CDH20: variants seen among roughly 807,000 people sequenced by gnomAD.
CDH20 encodes cadherin-20.
Under a neutral mutation model 74.2 loss-of-function variants are expected in CDH20, and 29 were observed. The ratio of observed to expected loss-of-function variants is 0.39; its 90% CI spans 0.29 to 0.53. The LOEUF is 0.53. CDH20 is among the 20% of genes least tolerant of loss of function. The pLI, the probability that CDH20 is intolerant of heterozygous loss-of-function variation, is 0.69. For synonymous variants in CDH20, 469 were observed against 405.4 expected (o/e 1.16, Z -1.88); for missense variants, 988 against 1,048.3 (o/e 0.94, Z 0.79).
At chr18:61,348,637 C>T (rs1293953270) in intron 1 of CDH20, among the ~76,000 whole-genome samples, 1 of 152,062 alleles carries the variant, frequency 6.6e-6, no homozygotes, top group African/African-American at 2.4e-5. Context: ...GTCAGTCAGC[C>T]GATTATCCAA....
chr18:61,551,784 G>A (rs71359631), intron 11 of CDH20, among the ~76,000 whole-genome samples: 13,999 of 152,168 alleles, frequency 0.092, 736 homozygotes, highest in Middle Eastern at 0.15. Flanking sequence ...GGAATTTCCA[G>A]ACTGGCTGTC....
At chr18:61,454,871 G>A (rs555981698) in intron 1 of CDH20, among the ~76,000 whole-genome samples, 4 of 152,296 alleles carry the variant, frequency 2.6e-5, no homozygotes, top group East Asian at 3.9e-4. Flanking sequence ...GTGTTTATTG[G>A]GTAGAGACAG....
chr18:61,343,254 C>T (rs1353230113), intron 1 of CDH20, among the ~76,000 whole-genome samples: 1 of 152,208 alleles, frequency 6.6e-6, no homozygotes, highest in African/African-American at 2.4e-5. Context: ...CAATGTATTA[C>T]ATTTTGCTTT....
At chr18:61,500,233 C>A in intron 3 of CDH20, 150 bp from the exon 4 acceptor site, 1 of 586,296 alleles carries the variant, frequency 1.7e-6, no homozygotes, top group Non-Finnish European at 2.8e-6. Context: ...TAAACAGGTA[C>A]AAGATAAGAG....
At chr18:61,490,839 T>C in intron 2 of CDH20, 40 bp downstream of exon 2, 1 of 1,601,236 alleles carries the variant, frequency 6.2e-7, no homozygotes, top group East Asian at 2.2e-5. Flanking sequence ...GTATTGGATA[T>C]TGAAATTGAA....
At chr18:61,450,756 C>T (rs1186713193) in intron 1 of CDH20, among the ~76,000 whole-genome samples, 2 of 151,984 alleles carry the variant, frequency 1.3e-5, no homozygotes, top group Non-Finnish European at 2.9e-5. Context: ...AATGGTTTTG[C>T]TTTTAAGTGT....
intron 5 of CDH20, 46 bp from the exon 6 acceptor site, chr18:61,507,327 A>G: frequency 6.4e-7 from 1 of 1,561,380 alleles, no homozygotes; most frequent in South Asian, 1.2e-5. Flanking sequence ...GGCATTTTTT[A>G]TAGTGACGGA....
intron 1 of CDH20, among the ~76,000 whole-genome samples, chr18:61,354,997 G>A (rs9958238): frequency 7.8e-4 from 119 of 152,312 alleles, no homozygotes; most frequent in Admixed American, 4.0e-3. Flanking sequence ...GCCTTAACTG[G>A]TACTGTCCGA....
chr18:61,336,721 G>A (rs1041243853), intron 1 of CDH20, among the ~76,000 whole-genome samples: 5 of 151,716 alleles, frequency 3.3e-5, no homozygotes, highest in Non-Finnish European at 7.4e-5. Context: ...ACTTAAAATG[G>A]GGTTTTGCTG....
In CDH20 at chr18:61,536,617, G is replaced by T. The variant is rs757821984; in HGVS notation, c.1396G>T (p.Ala466Ser). Residue 466 changes from alanine (A) to serine (S), a missense_variant, in exon 8 of 12, where the codon GCT (alanine) becomes TCT (serine). Around this residue, in one of 2 missense-constraint regions of CDH20, gnomAD observed 613 missense variants for 755.2 expected, o/e 0.81. Transcript: ENST00000262717. ...TTCTTGGCATAATATCACTGTCCTT[G>T]CTATGGAAATGAGTAAGTAGCACAG... is the stretch of plus-strand genomic sequence containing the variant. ...EFSWHNITVL[A>S]MEMNNPSQVG... 38 of 1,613,714 alleles carry T rather than the reference G, an allele frequency of 2.4e-5. No individual in the cohort carries two copies. Among genetic ancestry groups the T allele is most frequent in the Non-Finnish European group, 3.2e-5 (38 of 1,179,796 alleles).
chr18:61,350,344 G>A (rs1910263480), intron 1 of CDH20, among the ~76,000 whole-genome samples: 1 of 151,686 alleles, frequency 6.6e-6, no homozygotes, highest in African/African-American at 2.4e-5. Context: ...CTTTTTTCAG[G>A]ACATTTAACT....
chr18:61,522,904 A>C (rs1912261556), intron 6 of CDH20, among the ~76,000 whole-genome samples: 1 of 152,212 alleles, frequency 6.6e-6, no homozygotes. Flanking sequence ...TGCCTTATAC[A>C]AACATTAACT....
chr18:61,451,084 A>C (rs1319165344), intron 1 of CDH20, among the ~76,000 whole-genome samples: 1 of 151,920 alleles, frequency 6.6e-6, no homozygotes, highest in African/African-American at 2.4e-5. Flanking sequence ...ATATTGCTAA[A>C]TTGCCTTTCA....
chr18:61,511,165 T>G (rs1911768524), intron 6 of CDH20, among the ~76,000 whole-genome samples: 1 of 151,124 alleles, frequency 6.6e-6, no homozygotes, highest in Non-Finnish European at 1.5e-5. Context: ...TTTTGTGTTG[T>G]TGTTTGTTTG....
intron 1 of CDH20, among the ~76,000 whole-genome samples, chr18:61,443,657 T>C (rs1909103369): frequency 6.6e-6 from 1 of 152,158 alleles, no homozygotes; most frequent in East Asian, 1.9e-4. Context: ...AAGCACACCC[T>C]GTCGTTCAGA....
chr18:61,456,540 T>C lies in CDH20; in HGVS notation c.-152-33862T>C, dbSNP rs987870669. On this transcript the variant is annotated intron_variant, in intron 1 of 11. Transcript: ENST00000262717. ...AACAGATAATATAATTACATAACTT[T>C]GTAAAAACAAACAAAAAGTTTGGAG... Among the ~76,000 whole-genome samples, 6 of 152,130 alleles carry C rather than the reference T, an allele frequency of 3.9e-5. No individual in the cohort carries two copies. The East Asian group carries it at 5.8e-4, about 15-fold the overall frequency.
Position 61,545,129 on chromosome 18 carries a change from A to C in CDH20, c.1633A>C (p.Ile545Leu), listed in dbSNP as rs775424004. Residue 545 changes from isoleucine to leucine, a missense_variant, in exon 10 of 12, where the codon ATA becomes CTA. This residue lies in a region of CDH20 where 613 missense variants were observed against 755.2 expected (regional missense o/e 0.81). Transcript: ENST00000262717. ...PEAANNPNFT[I>L]RDNQDNTARI... ...GGCTGCTAACAACCCCAACTTTACC[A>C]TAAGGGACAACCAAGGTAATCAGGT... The C allele has an allele frequency of 2.5e-6, 4 of 1,609,354 alleles. No homozygotes were observed. The highest frequency in any genetic ancestry group is 3.4e-6 in the Non-Finnish European group (4 of 1,175,800).
chr18:61,362,276 C>A (rs1252245938), intron 1 of CDH20, among the ~76,000 whole-genome samples: 1 of 152,038 alleles, frequency 6.6e-6, no homozygotes, highest in African/African-American at 2.4e-5. Flanking sequence ...ATGTGAGTAA[C>A]CCACATACCC....
At chr18:61,433,327 C>A (rs1170859022) in intron 1 of CDH20, among the ~76,000 whole-genome samples, 1 of 152,060 alleles carries the variant, frequency 6.6e-6, no homozygotes. Flanking sequence ...AAATATAGAA[C>A]TGTTTGTGAT....
Sources: allele counts gnomAD v4.1 joint callset (sites outside exome capture counted in the v4.1 genomes callset), GRCh38; gene constraint gnomAD v4.1.1; regional missense constraint gnomAD v4.1.1; transcripts MANE v1.5; gene names NCBI Gene and HGNC (gene_info 2026-07-23, HGNC 2026-07-21).